Variants in RNF17 observed in about 807,000 individuals in gnomAD.
RNF17 encodes ring finger protein 17.
Under a neutral mutation model 200.5 loss-of-function variants are expected in RNF17, and 31 were observed. The ratio of observed to expected loss-of-function variants is 0.15; its 90% CI spans 0.12 to 0.21. The LOEUF (loss-of-function observed/expected upper bound fraction) is 0.21, where lower values mean the gene tolerates loss of function less well. RNF17 is among the 10% of genes least tolerant of loss of function. The pLI, the probability that RNF17 is intolerant of heterozygous loss-of-function variation, is 1.00. For missense variants in RNF17, 1,628 were observed against 1,905.1 expected, an observed-to-expected ratio of 0.85 and a Z score of 2.71; for synonymous variants, 606 against 637.8, an observed-to-expected ratio of 0.95 and a Z score of 0.75.
intron 2 of RNF17, among the ~76,000 whole-genome samples, chr13:24,770,897 G>A (rs1251016636): frequency 1.3e-5 from 2 of 152,002 alleles, no homozygotes; most frequent in African/African-American, 4.8e-5. Context: ...TCCATCAGTA[G>A]GTTCTGTAAT....
intron 25 of RNF17, among the ~76,000 whole-genome samples, chr13:24,854,492 T>A (rs1220732253): frequency 2.6e-5 from 4 of 151,934 alleles, no homozygotes; most frequent in Non-Finnish European, 5.9e-5. Flanking sequence ...GAACACTTAC[T>A]GAGTTGGCAT....
intron 22 of RNF17, among the ~76,000 whole-genome samples, chr13:24,849,451 T>C (rs1891608784): frequency 6.6e-6 from 1 of 152,196 alleles, no homozygotes; most frequent in South Asian, 2.1e-4. Context: ...TTTGAGTTTT[T>C]TGTTTTGTTT....
chr13:24,861,480 C>T, intron 27 of RNF17, 93 bp downstream of exon 27: 1 of 898,916 alleles, frequency 1.1e-6, no homozygotes, highest in Non-Finnish European at 1.6e-6. Context: ...AATGAAATTT[C>T]AGTTGCAACA....
intron 15 of RNF17, among the ~76,000 whole-genome samples, chr13:24,813,470 G>A (rs1203190914): frequency 6.6e-6 from 1 of 152,052 alleles, no homozygotes; most frequent in African/African-American, 2.4e-5. Context: ...GTCCATTTTT[G>A]TAATTGGGTT....
chr13:24,885,661 G>T, the RNF17 span: 1 of 1,611,674 alleles, frequency 6.2e-7, no homozygotes, highest in African/African-American at 1.3e-5. Context: ...GGATCTTCGA[G>T]GTGGATTGCC....
intron 23 of RNF17, among the ~76,000 whole-genome samples, chr13:24,851,217 C>A (rs1891858006): frequency 6.6e-6 from 1 of 152,228 alleles, no homozygotes; most frequent in Non-Finnish European, 1.5e-5. Context: ...TGGTCTCAAA[C>A]TCCCGACCTC....
intron 24 of RNF17, among the ~76,000 whole-genome samples, chr13:24,852,980 C>G (rs994688953): frequency 3.3e-5 from 5 of 152,212 alleles, no homozygotes; most frequent in African/African-American, 1.2e-4. Flanking sequence ...GTGCTGTGAT[C>G]TCAGCTCACT....
At position 24,802,428 on chromosome 13, in the gene RNF17, A is replaced by C; in HGVS notation, c.1806A>C (p.Val602=). 6.2e-7 allele frequency: 1 copy of C among 1,613,470 alleles called. No homozygotes were observed. The highest frequency in any genetic ancestry group is 8.5e-7 in the Non-Finnish European group (1 of 1,179,808). ...EEAKVEFLKM[V]NNKAVSMKVF... is the part of the protein sequence containing the mutation. Reference sequence around the variant, plus strand: ...CTAAAGTGGAATTTTTGAAAATGGTAAATAACAAGGCTGTTTCAATGAAAG... The same window carrying C: ...CTAAAGTGGAATTTTTGAAAATGGTCAATAACAAGGCTGTTTCAATGAAAG... The change falls in exon 14 of 36, where the codon GTA becomes GTC. Residue 602 remains valine, a synonymous_variant. Transcript: ENST00000255324.
At chr13:24,888,310 C>T in the RNF17 span, among the ~76,000 whole-genome samples, 10 of 151,872 alleles carry the variant, frequency 6.6e-5, no homozygotes, top group Admixed American at 1.3e-4. Flanking sequence ...AAAATATTAG[C>T]AGTGCTTGTA....
At chr13:24,858,481 G>T (rs1035788461) in intron 25 of RNF17, among the ~76,000 whole-genome samples, 19 of 151,678 alleles carry the variant, frequency 1.3e-4, no homozygotes, top group African/African-American at 4.4e-4. Context: ...GAGGCTTATT[G>T]GAGGTAAGGG....
chr13:24,754,895 TAAAA>T, the RNF17 span, among the ~76,000 whole-genome samples: 1 of 136,614 alleles, frequency 7.3e-6, no homozygotes, highest in Non-Finnish European at 1.6e-5. Context: ...GACCCTGTCT[TAAAA>T]AAAAAAAAAA....
intron 16 of RNF17, among the ~76,000 whole-genome samples, chr13:24,829,297 G>A (rs1889130821): frequency 6.6e-6 from 1 of 152,128 alleles, no homozygotes; most frequent in Non-Finnish European, 1.5e-5. Context: ...GAACATAAAT[G>A]GGGAAATTTG....
intron 18 of RNF17, 100 bp from the exon 19 acceptor site, chr13:24,841,941 G>A (rs1243712449): frequency 1.2e-5 from 12 of 981,472 alleles, no homozygotes; most frequent in Non-Finnish European, 4.5e-6. Flanking sequence ...ACTCCAGCCT[G>A]GGCGACAGAG....
chr13:24,839,796 A>G (rs977196267), intron 18 of RNF17, among the ~76,000 whole-genome samples: 2 of 152,062 alleles, frequency 1.3e-5, no homozygotes, highest in East Asian at 1.9e-4. Context: ...ATACCGTTGG[A>G]AAAACCTTTC....
At position 24,799,502 on chromosome 13, in the gene RNF17, A is replaced by G. The variant is rs140650415; in HGVS notation, c.1507A>G (p.Thr503Ala). The change falls in exon 12 of 36, where the codon ACC becomes GCC. Residue 503 changes from threonine (T) to alanine (A), a missense_variant. Around this residue, in one of 5 missense-constraint regions of RNF17, gnomAD observed 289 missense variants for 384.9 expected, o/e 0.75. Coordinates refer to ENST00000255324, the MANE Select transcript of RNF17 (RefSeq NM_031277.3). ...GRNTRKPCSP[T>A]RLFVHEVALI... Reference sequence around the variant, plus strand: ...AAATACCAGAAAACCTTGTAGTCCAACCAGATTATTTGTCCATGAAGTTGC... The same window carrying G: ...AAATACCAGAAAACCTTGTAGTCCAGCCAGATTATTTGTCCATGAAGTTGC... 21 of 1,611,940 alleles carry G rather than the reference A, an allele frequency of 1.3e-5. No homozygotes were observed. The African/African-American group carries it at 2.5e-4, about 19-fold the overall frequency.
At chr13:24,876,390 C>T (rs7319350) in intron 33 of RNF17, among the ~76,000 whole-genome samples, 148,159 of 152,322 alleles carry the variant, frequency 0.97, 72,081 homozygotes, top group Middle Eastern at 0.99. Flanking sequence ...TCTGCGAACA[C>T]GGGTATACAT....
At chr13:24,883,651 C>A (rs940308336), downstream of RNF17, among the ~76,000 whole-genome samples, 4 of 152,068 alleles carry the variant, frequency 2.6e-5, no homozygotes, top group African/African-American at 7.3e-5. Context: ...TAAAAGGGAC[C>A]CTTCTTTCAC....
At chr13:24,782,109 G>T (rs565597587) in intron 6 of RNF17, among the ~76,000 whole-genome samples, 165 bp downstream of exon 6, 1 of 152,128 alleles carries the variant, frequency 6.6e-6, no homozygotes, top group Non-Finnish European at 1.5e-5. Flanking sequence ...CTGATCTTTA[G>T]AACTGCAAAA....
chr13:24,856,979 CT>C (rs895267390), intron 25 of RNF17, among the ~76,000 whole-genome samples: 5 of 152,074 alleles, frequency 3.3e-5, no homozygotes, highest in African/African-American at 9.7e-5. Context: ...GGAAAGGTGA[CT>C]TTTTTGAGAA....
Sources: gnomAD v4.1 joint callset for allele counts (sites outside exome capture counted in the v4.1 genomes callset) on GRCh38, gnomAD v4.1.1 for gene constraint, gnomAD v4.1.1 regional missense constraint, MANE v1.5 for transcripts, NCBI Gene and HGNC (gene_info 2026-07-23, HGNC 2026-07-21) for gene names.